Variants in AGMO observed in about 807,000 individuals in gnomAD.
AGMO encodes glyceryl-ether monooxygenase.
In AGMO, 75 loss-of-function variants were observed where a neutral mutation model predicts 60.2. The observed-to-expected ratio is 1.25, with a 90% CI of 1.03 to 1.51. The LOEUF (loss-of-function observed/expected upper bound fraction) is 1.51, where lower values mean the gene tolerates loss of function less well. AGMO is among the 40% of genes most tolerant of loss of function. The pLI, the probability that AGMO is intolerant of heterozygous loss-of-function variation, is 0.00. For missense variants in AGMO, 763 were observed against 525.5 expected (o/e 1.45, Z -4.42); for synonymous variants, 261 against 177.1 (o/e 1.47, Z -3.76).
intron 12 of AGMO, among the ~76,000 whole-genome samples, chr7:15,284,006 G>T (rs557144409): frequency 8.3e-4 from 126 of 151,940 alleles, no homozygotes; most frequent in Admixed American, 1.4e-3. Flanking sequence ...AAATCAAGAT[G>T]GAATTTAAAA....
intron 12 of AGMO, among the ~76,000 whole-genome samples, chr7:15,232,019 CA>C (rs748105402): frequency 6.6e-6 from 1 of 152,148 alleles, no homozygotes; most frequent in Non-Finnish European, 1.5e-5. Context: ...TATTTCTCCC[CA>C]AAGTCATATT....
At chr7:15,189,717 G>A in the AGMO span, among the ~76,000 whole-genome samples, 1 of 151,944 alleles carries the variant, frequency 6.6e-6, no homozygotes, top group African/African-American at 2.4e-5. Flanking sequence ...AGAAAGTCAA[G>A]TTTTAGATTT....
intron 3 of AGMO, among the ~76,000 whole-genome samples, chr7:15,497,529 G>A (rs1357561977): frequency 6.6e-6 from 1 of 152,004 alleles, no homozygotes; most frequent in Non-Finnish European, 1.5e-5. Context: ...GAAATACAGT[G>A]TGGCATCCCA....
intron 12 of AGMO, among the ~76,000 whole-genome samples, chr7:15,274,933 T>C (rs1214064096): frequency 6.6e-6 from 1 of 152,014 alleles, no homozygotes; most frequent in African/African-American, 2.4e-5. Flanking sequence ...TTGAATCTTC[T>C]GTTTTTCTTC....
chr7:15,506,954 G>T (rs902745279), intron 3 of AGMO, among the ~76,000 whole-genome samples: 4 of 151,992 alleles, frequency 2.6e-5, no homozygotes, highest in African/African-American at 9.7e-5. Flanking sequence ...AAAAAGAATT[G>T]TGGTCTCATG....
At chr7:15,275,527 T>C (rs537640052) in intron 12 of AGMO, among the ~76,000 whole-genome samples, 39 of 152,178 alleles carry the variant, frequency 2.6e-4, no homozygotes, top group Non-Finnish European at 5.1e-4. Context: ...TCTGTAGTTG[T>C]TGGAAAGAAT....
At chr7:15,321,517 T>C (rs962235032) in intron 12 of AGMO, among the ~76,000 whole-genome samples, 1 of 152,096 alleles carries the variant, frequency 6.6e-6, no homozygotes, top group Admixed American at 6.6e-5. Flanking sequence ...GAGAATGTTT[T>C]TGAGGGGAGT....
chr7:15,288,597 A>C (rs2128521197), intron 12 of AGMO, among the ~76,000 whole-genome samples: 1 of 152,228 alleles, frequency 6.6e-6, no homozygotes, highest in Admixed American at 6.5e-5. Context: ...CAGACATGAA[A>C]GGAGAAAGAA....
intron 5 of AGMO, among the ~76,000 whole-genome samples, chr7:15,406,577 C>A (rs1448980983): frequency 3.1e-5 from 4 of 128,744 alleles, no homozygotes; most frequent in Admixed American, 8.3e-5. Flanking sequence ...CACACACACA[C>A]ACACACACAC....
In AGMO at chr7:15,229,931, T is replaced by C. The variant is rs546512750; in HGVS notation, c.1264-28572A>G. 2.2e-4 allele frequency among the ~76,000 whole-genome samples: 33 copies of C among 151,690 alleles called. No homozygotes were observed. The South Asian group carries it at 5.6e-3, about 26-fold the overall frequency. ...TAATACTTTGTGATTGTGCCTCCGA[T>C]TGTCATCTTGTAACTCCCAACAATA... On this transcript the variant is annotated intron_variant, in intron 12 of 12. Transcript: ENST00000342526.
At chr7:15,404,218 A>G (rs975760880) in intron 5 of AGMO, among the ~76,000 whole-genome samples, 1 of 151,936 alleles carries the variant, frequency 6.6e-6, no homozygotes, top group South Asian at 2.1e-4. Flanking sequence ...GGACTAGGTT[A>G]TGTTTATACA....
chr7:15,394,007 TG>T, intron 6 of AGMO, 105 bp downstream of exon 6: 1 of 609,160 alleles, frequency 1.6e-6, no homozygotes. Context: ...ATTTGTAAAA[TG>T]TGTGCTGACT....
At chr7:15,353,975 A>G (rs1311080856) in intron 12 of AGMO, among the ~76,000 whole-genome samples, 1 of 152,158 alleles carries the variant, frequency 6.6e-6, no homozygotes, top group African/African-American at 2.4e-5. Flanking sequence ...TACATTTTGG[A>G]AAATTTCATG....
At position 15,446,998 on chromosome 7, in the gene AGMO, T is replaced by C. The variant is rs1055608540; in HGVS notation, c.410-15890A>G. Among the ~76,000 whole-genome samples, 14 of 152,196 alleles carry C rather than the reference T, an allele frequency of 9.2e-5. 1 individual carries two copies. The highest frequency in any genetic ancestry group is 7.9e-4 in the Admixed American group (12 of 15,278). ...GATCCCAATGACATCTTCCCCACAA[T>C]GCTCAAAGCTCTTAGTAGTTGGACA... On this transcript the variant is annotated intron_variant, in intron 3 of 12. Transcript: ENST00000342526.
At chr7:15,422,090 A>G (rs1299333720) in intron 4 of AGMO, among the ~76,000 whole-genome samples, 3 of 152,162 alleles carry the variant, frequency 2.0e-5, no homozygotes, top group African/African-American at 7.2e-5. Flanking sequence ...ATGAATCAGC[A>G]GAACAGTAGG....
In AGMO at chr7:15,525,656, G is replaced by C. The variant is rs189367498; in HGVS notation, c.409+19116C>G. Among the ~76,000 whole-genome samples, 336 of 152,234 alleles carry C rather than the reference G, an allele frequency of 2.2e-3. 6 individuals carry two copies. The highest frequency in any genetic ancestry group is 7.8e-3 in the African/African-American group (323 of 41,560). ...AAGAACTCAGGACTCATCAAATGCAGGTACAAAGAAGACGGTAACACCGTG... is the reference window on the plus strand; with the variant it reads ...AAGAACTCAGGACTCATCAAATGCACGTACAAAGAAGACGGTAACACCGTG... On this transcript the variant is annotated intron_variant, in intron 3 of 12. Transcript: ENST00000342526.
chr7:15,339,483 G>A (rs936079555), intron 12 of AGMO, among the ~76,000 whole-genome samples: 1 of 152,138 alleles, frequency 6.6e-6, no homozygotes, highest in East Asian at 1.9e-4. Context: ...CATAATTTTA[G>A]AGGATGTTCA....
the AGMO span, among the ~76,000 whole-genome samples, chr7:15,124,218 A>T: frequency 1.3e-5 from 2 of 152,018 alleles, no homozygotes; most frequent in Non-Finnish European, 2.9e-5. Flanking sequence ...AAACCTGTTA[A>T]CAGAATTACT....
intron 12 of AGMO, among the ~76,000 whole-genome samples, chr7:15,207,089 C>T (rs1023168950): frequency 6.6e-6 from 1 of 152,118 alleles, no homozygotes; most frequent in Non-Finnish European, 1.5e-5. Flanking sequence ...TATGGTTCAT[C>T]CAGACCGCAT....
Sources: allele counts gnomAD v4.1 joint callset (sites outside exome capture counted in the v4.1 genomes callset), GRCh38; gene constraint gnomAD v4.1.1; transcripts MANE v1.5; gene names NCBI Gene and HGNC (gene_info 2026-07-23, HGNC 2026-07-21).